The following MAD1L1 variants were observed in gnomAD, a reference collection of about 807,000 sequenced individuals.
The protein encoded by MAD1L1 is mitotic spindle assembly checkpoint protein MAD1.
A neutral mutation model predicts 96.9 loss-of-function variants in MAD1L1; 95 were observed. The ratio of observed to expected loss-of-function variants is 0.98; its 90% CI spans 0.83 to 1.16. The LOEUF is 1.16. Among genes scored for constraint, MAD1L1 ranks in the 50% most tolerant of loss-of-function variants. The pLI, the probability that MAD1L1 is intolerant of heterozygous loss-of-function variation, is 0.00. For missense variants in MAD1L1, 1,007 were observed against 954.4 expected (o/e 1.06, Z -0.73); for synonymous variants, 473 against 396.6 (o/e 1.19, Z -2.29).
intron 5 of MAD1L1, 21 bp downstream of exon 5, chr7:2,222,554 C>T (rs756857864): frequency 5.8e-6 from 9 of 1,553,686 alleles, no homozygotes; most frequent in Middle Eastern, 1.7e-4. Context: ...CAGCTCCCTG[C>T]GCAGCAGAGG....
intron 12 of MAD1L1, among the ~76,000 whole-genome samples, chr7:2,068,540 G>C (rs1225426697): frequency 6.6e-6 from 1 of 152,228 alleles, no homozygotes; most frequent in Non-Finnish European, 1.5e-5. Context: ...AGGCAGGCAG[G>C]GGGAGTCTCC....
intron 14 of MAD1L1, among the ~76,000 whole-genome samples, chr7:1,981,717 A>C (rs1316613604): frequency 1.3e-5 from 2 of 152,158 alleles, no homozygotes. Context: ...AAAGCCTGCC[A>C]GACACCCAGG....
At chr7:1,874,375 G>A (rs1785266740) in intron 18 of MAD1L1, 3 of 375,582 alleles carry the variant, frequency 8.0e-6, no homozygotes, top group African/African-American at 4.2e-5. Flanking sequence ...AGGAGGAGAC[G>A]TTGCAGCAGC....
At chr7:2,052,460 CA>C (rs1292230202) in intron 12 of MAD1L1, among the ~76,000 whole-genome samples, 1 of 152,220 alleles carries the variant, frequency 6.6e-6, no homozygotes, top group Non-Finnish European at 1.5e-5. Flanking sequence ...GGGCGCCGGA[CA>C]GCTCACTAGG....
At chr7:2,062,796 C>T (rs1474150533) in intron 12 of MAD1L1, among the ~76,000 whole-genome samples, 2 of 152,090 alleles carry the variant, frequency 1.3e-5, no homozygotes, top group African/African-American at 4.8e-5. Context: ...CAGCACCCAC[C>T]GCAGGAAGGC....
Position 1,957,695 on chromosome 7 carries a change from G to C in MAD1L1, c.1530C>G (p.Gly510=). 2 of 1,614,126 alleles carry C rather than the reference G, an allele frequency of 1.2e-6. No individual in the cohort carries two copies. The highest frequency in any genetic ancestry group is 1.7e-6 in the Non-Finnish European group (2 of 1,180,036). Residue 510 remains glycine (G), a synonymous_variant, in exon 16 of 19, where the codon GGC becomes GGG. Coordinates refer to ENST00000265854, the MANE Select transcript of MAD1L1 (RefSeq NM_001013836.2). ...TTTCCTCCTCCAGCCGACTCCGCTC[G>C]CCTTCCAGCTCCTCGACCTTCAACC... ...TLRLKVEELE[G]ERSRLEEEKR...
chr7:1,932,257 T>C (rs1041951533), intron 17 of MAD1L1, among the ~76,000 whole-genome samples: 1 of 152,026 alleles, frequency 6.6e-6, no homozygotes, highest in Non-Finnish European at 1.5e-5. Flanking sequence ...TCCCAGAACC[T>C]CTGGCCTGTT....
intron 14 of MAD1L1, among the ~76,000 whole-genome samples, chr7:1,995,228 G>A (rs560430253): frequency 2.6e-5 from 4 of 152,286 alleles, no homozygotes; most frequent in African/African-American, 4.8e-5. Flanking sequence ...GGGGCACCTC[G>A]GGGCACGCAC....
At chr7:2,038,072 G>A (rs1228954977) in intron 12 of MAD1L1, among the ~76,000 whole-genome samples, 1 of 152,332 alleles carries the variant, frequency 6.6e-6, no homozygotes, top group Non-Finnish European at 1.5e-5. Flanking sequence ...ATAAGAAAGT[G>A]AAACTGTCTT....
At chr7:2,184,936 A>G (rs1791388259) in intron 10 of MAD1L1, among the ~76,000 whole-genome samples, 1 of 152,228 alleles carries the variant, frequency 6.6e-6, no homozygotes, top group African/African-American at 2.4e-5. Flanking sequence ...CAGGAGGCGG[A>G]GGTTTCAGTG....
intron 18 of MAD1L1, among the ~76,000 whole-genome samples, chr7:1,868,486 A>ACCCCC (rs1562473227): frequency 2.6e-5 from 2 of 78,248 alleles, no homozygotes; most frequent in Non-Finnish European, 2.8e-5. Flanking sequence ...CACCCACCCC[A>ACCCCC]CCCCACGGAT....
At chr7:2,198,046 G>T (rs1792083472) in intron 10 of MAD1L1, among the ~76,000 whole-genome samples, 1 of 150,216 alleles carries the variant, frequency 6.7e-6, no homozygotes, top group African/African-American at 2.4e-5. Flanking sequence ...TGCCCCACAA[G>T]CGCCCCCGCT....
chr7:2,060,735 G>A (rs1213598710), intron 12 of MAD1L1, among the ~76,000 whole-genome samples: 2 of 152,234 alleles, frequency 1.3e-5, no homozygotes, highest in African/African-American at 2.4e-5. Flanking sequence ...CCTTGCAATA[G>A]AGGCTGCCAG....
intron 17 of MAD1L1, among the ~76,000 whole-genome samples, chr7:1,930,577 T>C (rs1789411864): frequency 1.0e-5 from 1 of 98,772 alleles, no homozygotes; most frequent in Non-Finnish European, 2.1e-5. Context: ...ACCTCACCGC[T>C]GCGTCCCCTC....
At chr7:2,051,703 C>G (rs1013849601) in intron 12 of MAD1L1, among the ~76,000 whole-genome samples, 2 of 140,940 alleles carry the variant, frequency 1.4e-5, no homozygotes. Context: ...CTCCCCCAAC[C>G]CCCCACCAGC....
intron 12 of MAD1L1, among the ~76,000 whole-genome samples, chr7:2,064,251 C>A (rs1013445157): frequency 2.6e-5 from 4 of 152,242 alleles, no homozygotes; most frequent in South Asian, 2.1e-4. Flanking sequence ...AATATCCAGG[C>A]GGGCCCTCCA....
chr7:2,017,127 G>A (rs1476315279), intron 12 of MAD1L1, among the ~76,000 whole-genome samples: 2 of 152,244 alleles, frequency 1.3e-5, no homozygotes, highest in East Asian at 3.8e-4. Context: ...TCAAGAACCT[G>A]TTTTGTCACC....
intron 3 of MAD1L1, among the ~76,000 whole-genome samples, chr7:2,229,023 A>G (rs376025563): frequency 9.2e-5 from 14 of 152,178 alleles, no homozygotes; most frequent in African/African-American, 3.4e-4. Flanking sequence ...CTGAGCCACC[A>G]CATCTGGCCA....
intron 18 of MAD1L1, among the ~76,000 whole-genome samples, chr7:1,835,582 A>C (rs1222967454): frequency 6.6e-6 from 1 of 152,222 alleles, no homozygotes; most frequent in Non-Finnish European, 1.5e-5. Context: ...ACTTGGGATA[A>C]ATCTGAAAAA....
Sources: allele counts gnomAD v4.1 joint callset (sites outside exome capture counted in the v4.1 genomes callset), GRCh38; gene constraint gnomAD v4.1.1; transcripts MANE v1.5; gene names NCBI Gene and HGNC (gene_info 2026-07-23, HGNC 2026-07-21).